Variants in CFAP92 observed in about 807,000 individuals in gnomAD.
The protein encoded by CFAP92 is uncharacterized protein CFAP92.
A neutral mutation model predicts 106.3 loss-of-function variants in CFAP92; 86 were observed. That is an observed-to-expected ratio of 0.81 (90% CI 0.68 to 0.97). The LOEUF is 0.97. CFAP92 is among the 50% of genes least tolerant of loss of function. CFAP92 has a pLI of 0.00. For synonymous variants in CFAP92, 477 were observed against 506.4 expected (o/e 0.94, Z 0.78); for missense variants, 1,204 against 1,283.8 (o/e 0.94, Z 0.95).
At chr3:128,937,558 C>T (rs1293340765) in intron 10 of CFAP92, among the ~76,000 whole-genome samples, 5 of 151,162 alleles carry the variant, frequency 3.3e-5, no homozygotes, top group South Asian at 2.1e-4. Flanking sequence ...GAGCTGAGAT[C>T]GCACCACAGC....
At chr3:128,997,144 T>G (rs1944509217), upstream of CFAP92, among the ~76,000 whole-genome samples, 1 of 152,202 alleles carries the variant, frequency 6.6e-6, no homozygotes, top group Non-Finnish European at 1.5e-5. Flanking sequence ...TCAAGGTCAC[T>G]GAACAATCCA....
Position 128,971,161 on chromosome 3 carries a change from C to T in CFAP92, c.1168+126G>A, listed in dbSNP as rs1942762520. 3 of 1,484,004 alleles carry T rather than the reference C, an allele frequency of 2.0e-6. No individual in the cohort carries two copies. The South Asian group carries it at 3.6e-5, about 18-fold the overall frequency. 91.9% of individuals were successfully genotyped at this position (1,484,004 alleles called of 1,614,324 possible). On this transcript the variant is annotated intron_variant, in intron 8 of 15. Coordinates refer to ENST00000645291, the MANE Select transcript of CFAP92 (RefSeq NM_001394090.1). ...CTATGAAGCCAATTCCCCTGAGTTT[C>T]CTGAGGTGGCTGTGAGGATGAAATG...
intron 9 of CFAP92, among the ~76,000 whole-genome samples, chr3:128,952,607 G>C (rs1940921787): frequency 6.6e-6 from 1 of 152,140 alleles, no homozygotes; most frequent in African/African-American, 2.4e-5. Context: ...TAGTTGCTCA[G>C]CAAAGAAACA....
At chr3:129,016,527 A>C in the CFAP92 span, among the ~76,000 whole-genome samples, 2 of 148,590 alleles carry the variant, frequency 1.3e-5, no homozygotes, top group Admixed American at 6.7e-5. Flanking sequence ...GGGGAAGCCC[A>C]TAAGCCGTGC....
At chr3:128,946,456 G>T (rs112251613) in intron 9 of CFAP92, among the ~76,000 whole-genome samples, 24 of 152,300 alleles carry the variant, frequency 1.6e-4, no homozygotes, top group African/African-American at 5.8e-4. Context: ...CCTCAGAGAG[G>T]TCTGGGCCTC....
rs146879240 is a variant in CFAP92, at chr3:128,932,787, T to A, written c.2664A>T (p.Leu888Phe). ...DYHSRNSTLT[L>F]EIHAHQEKYL... ...ACTTCTCCTGGTGGGCGTGGATCTC[T>A]AAGGTGAGGGTGGAGTTCCGACTGT... Residue 888 changes from leucine (L) to phenylalanine (F), a missense_variant, in exon 12 of 16, where the codon TTA (leucine) becomes TTT (phenylalanine). Leu to Phe is a conservative substitution (Grantham distance 22). Transcript: ENST00000645291. 2.1e-5 allele frequency: 32 copies of A among 1,536,156 alleles called. No homozygotes were observed. The South Asian group carries it at 3.1e-4, about 15-fold the overall frequency.
At chr3:128,986,325 G>C (rs892207190) in intron 4 of CFAP92, among the ~76,000 whole-genome samples, 3 of 149,828 alleles carry the variant, frequency 2.0e-5, no homozygotes, top group African/African-American at 7.4e-5. Flanking sequence ...CTGAAGCCTC[G>C]ACCTCCCAGG....
At position 128,965,590 on chromosome 3, in the gene CFAP92, T is replaced by C; in HGVS notation, c.1274A>G (p.Gln425Arg). 1 of 399,036 alleles carries C rather than the reference T, an allele frequency of 2.5e-6. No individual in the cohort carries two copies. 24.7% of individuals were successfully genotyped at this position (399,036 alleles called of 1,614,324 possible). ...EVPIMTEEQK[Q>R]DLNPLTIKIK... ...CTTTATGGTCAGGGGATTTAAATCC[T>C]GCTTTTGCTCCTCGGTCATGATCGG... Residue 425 changes from glutamine (Q) to arginine (R), a missense_variant, in exon 9 of 16, where the codon CAG (glutamine) becomes CGG (arginine). Physicochemically the swap from Gln to Arg is conservative, Grantham distance 43. Transcript: ENST00000645291.
intron 4 of CFAP92, among the ~76,000 whole-genome samples, chr3:128,984,261 C>T: frequency 6.6e-6 from 1 of 152,168 alleles, no homozygotes; most frequent in Non-Finnish European, 1.5e-5. Context: ...ATTGATCCTG[C>T]TTGTATCTGT....
rs924756353 is a variant in CFAP92 at position 128,910,349 on chromosome 3, G to A, written c.3281-16C>T. 6.8e-7 allele frequency: 1 copy of A among 1,469,414 alleles called. No homozygotes were observed. The highest frequency in any genetic ancestry group is 9.0e-7 in the Non-Finnish European group (1 of 1,113,466). 91.0% of individuals were successfully genotyped at this position (1,469,414 alleles called of 1,614,324 possible). On this transcript the variant is annotated splice_polypyrimidine_tract_variant and intron_variant, in intron 15 of 15. Transcript: ENST00000645291. ...TTCTTCCTGACTGAGAGAAGAGGGG[G>A]TGAGTGACAGGGGTTCCTGATCCCA...
At chr3:128,993,364 C>G in intron 1 of CFAP92, 28 bp from the exon 2 acceptor site, 1 of 1,550,340 alleles carries the variant, frequency 6.5e-7, no homozygotes, top group Non-Finnish European at 8.7e-7. Context: ...AAGGCTGTCC[C>G]CGCCTGTATT....
intron 9 of CFAP92, among the ~76,000 whole-genome samples, chr3:128,963,356 C>T (rs1259368218): frequency 6.6e-6 from 1 of 152,200 alleles, no homozygotes; most frequent in Admixed American, 6.5e-5. Context: ...GCAGCGGCTG[C>T]CGCTGCTTTA....
At chr3:128,923,415 AC>A (rs1937462974) in intron 12 of CFAP92, among the ~76,000 whole-genome samples, 1 of 152,226 alleles carries the variant, frequency 6.6e-6, no homozygotes, top group Admixed American at 6.5e-5. Flanking sequence ...CAGGGGCACA[AC>A]AGATGCTTAA....
chr3:128,994,807 G>A (rs1075509), upstream of CFAP92, among the ~76,000 whole-genome samples: 42,566 of 152,104 alleles, frequency 0.28, 6,432 homozygotes, highest in African/African-American at 0.37. Context: ...CAGAGGGCTG[G>A]GGTAGGCCTC....
upstream of CFAP92, among the ~76,000 whole-genome samples, chr3:129,007,187 A>G (rs725132): frequency 0.071 from 10,876 of 152,230 alleles, 1,037 homozygotes; most frequent in African/African-American, 0.22. Flanking sequence ...CCCCAGAAAC[A>G]TCGGCCGGAC....
At chr3:128,971,584 A>G (rs71331684) in intron 7 of CFAP92, among the ~76,000 whole-genome samples, 151 bp from the exon 8 acceptor site, 1,922 of 152,312 alleles carry the variant, frequency 0.013, 27 homozygotes, top group Middle Eastern at 0.02. Flanking sequence ...CTTCCCAGCA[A>G]CCAGAAGTGG....
chr3:128,991,750 G>A (rs1244474443), intron 2 of CFAP92: 3 of 1,015,376 alleles, frequency 3.0e-6, no homozygotes, highest in Admixed American at 6.0e-5. Context: ...TTGTCTGTTG[G>A]TGCGCTCTCG....
chr3:129,001,539 T>C (rs1258418799), intron 1 of CFAP92: 2 of 1,340,832 alleles, frequency 1.5e-6, no homozygotes, highest in South Asian at 3.9e-5. Context: ...GCTAAGCCCC[T>C]CCTTTCGAGA....
intron 11 of CFAP92, among the ~76,000 whole-genome samples, chr3:128,933,687 A>G (rs1031068835): frequency 6.6e-6 from 1 of 152,212 alleles, no homozygotes; most frequent in Non-Finnish European, 1.5e-5. Flanking sequence ...GGATGCAGCT[A>G]CCTTGGATGC....
Sources: allele counts gnomAD v4.1 joint callset (sites outside exome capture counted in the v4.1 genomes callset), GRCh38; gene constraint gnomAD v4.1.1; transcripts MANE v1.5; gene names NCBI Gene and HGNC (gene_info 2026-07-23, HGNC 2026-07-21).